Variants in RTN4 observed in about 807,000 individuals in gnomAD.
RTN4 encodes reticulon-4.
Under a neutral mutation model 90.4 loss-of-function variants are expected in RTN4, and 32 were observed. The observed-to-expected ratio is 0.35, with a 90% CI of 0.27 to 0.48. The LOEUF (loss-of-function observed/expected upper bound fraction) is 0.48, where lower values mean the gene tolerates loss of function less well. Ranked by LOEUF, RTN4 falls within the 20% of genes least tolerant of loss-of-function variation. RTN4 has a pLI of 0.99. For synonymous variants in RTN4, 629 were observed against 552.5 expected (o/e 1.14, Z -1.94); for missense variants, 1,706 against 1,430.2 (o/e 1.19, Z -3.11).
intron 1 of RTN4, among the ~76,000 whole-genome samples, chr2:55,103,937 C>A (rs1667898149): frequency 6.6e-6 from 1 of 152,052 alleles, no homozygotes; most frequent in African/African-American, 2.4e-5. Context: ...TCAGGTGATC[C>A]ACCAACCTCG....
rs1171828163 is a variant in RTN4 at position 55,049,767 on chromosome 2, G to C, written c.534C>G (p.Arg178=). Residue 178 remains arginine (R), a synonymous_variant, in exon 1 of 9, where the codon CGC becomes CGG. Transcript: ENST00000337526. ...APPSTPAAPK[R]RGSSGSVDET... is the part of the protein sequence containing the mutation. ...CACCCACTGAGCCCGAGGAGCCCCT[G>C]CGCTTGGGCGCGGCCGGGGTGGAGG... 1 of 1,329,960 alleles carries C rather than the reference G, an allele frequency of 7.5e-7. No individual in the cohort carries two copies. The highest frequency in any genetic ancestry group is 1.5e-5 in the African/African-American group (1 of 65,182). The allele number at this position is 1,329,960 out of a possible 1,614,324, so 82.4% of individuals were successfully genotyped here.
chr2:55,034,371 G>C (rs146151591), intron 1 of RTN4, among the ~76,000 whole-genome samples: 3 of 152,108 alleles, frequency 2.0e-5, no homozygotes, highest in African/African-American at 7.2e-5. Flanking sequence ...GCACGGTAGC[G>C]TGTGCCTATA....
At chr2:54,990,725 G>T (rs1009120728) in intron 3 of RTN4, among the ~76,000 whole-genome samples, 2 of 152,014 alleles carry the variant, frequency 1.3e-5, no homozygotes, top group Non-Finnish European at 2.9e-5. Context: ...CTATTATAGG[G>T]TAAGTAAAAG....
chr2:55,106,717 A>C (rs1379772993), intron 1 of RTN4, among the ~76,000 whole-genome samples: 2 of 151,846 alleles, frequency 1.3e-5, no homozygotes, highest in Non-Finnish European at 2.9e-5. Context: ...ATGGGGTTTC[A>C]CCATGTTGGC....
At chr2:55,132,607 T>C in the RTN4 span, among the ~76,000 whole-genome samples, 1 of 151,224 alleles carries the variant, frequency 6.6e-6, no homozygotes, top group African/African-American at 2.4e-5. Context: ...AGCCCAGGAG[T>C]TTGAGACCAG....
chr2:55,068,918 G>T (rs1436068088), intron 2 of RTN4, among the ~76,000 whole-genome samples: 1 of 152,212 alleles, frequency 6.6e-6, no homozygotes, highest in Non-Finnish European at 1.5e-5. Context: ...TGAGTGCATG[G>T]AGGTGAAGAA....
chr2:55,116,089 G>GACTT (rs1409371829), upstream of RTN4, among the ~76,000 whole-genome samples: 1 of 81,304 alleles, frequency 1.2e-5, no homozygotes, highest in African/African-American at 5.1e-5. Flanking sequence ...ATGGGGACTA[G>GACTT]TCTTTTTTTT....
Position 55,028,189 on chromosome 2 carries a change from A to G in RTN4, c.588T>C (p.Ser196=). The part of the protein sequence containing the change: ...DETLFALPAA[S]EPVIRSSAEN... ...CTGCAGAGGAGCGTATCACAGGCTCAGATGCAGCAGGAAGAGCAAAAAGGG... is the reference window on the plus strand; with the variant it reads ...CTGCAGAGGAGCGTATCACAGGCTCGGATGCAGCAGGAAGAGCAAAAAGGG... The change falls in exon 2 of 9, where the codon TCT becomes TCC. Residue 196 remains serine, a synonymous_variant. Transcript: ENST00000337526. The G allele has an allele frequency of 1.2e-6, 2 of 1,613,098 alleles. No individual in the cohort carries two copies. The highest frequency in any genetic ancestry group is 1.7e-6 in the Non-Finnish European group (2 of 1,179,450).
chr2:55,063,829 G>A (rs775587520), intron 2 of RTN4, among the ~76,000 whole-genome samples: 2 of 151,978 alleles, frequency 1.3e-5, no homozygotes, highest in South Asian at 4.2e-4. Context: ...TACAGTGAGC[G>A]GAGACTGGGC....
chr2:55,119,598 C>G, the RTN4 span, among the ~76,000 whole-genome samples: 1 of 152,188 alleles, frequency 6.6e-6, no homozygotes, highest in Non-Finnish European at 1.5e-5. Flanking sequence ...CTTGTATTCT[C>G]TGGGCAGAGT....
intron 2 of RTN4, among the ~76,000 whole-genome samples, chr2:55,078,384 A>AT (rs1668642034): frequency 1.3e-5 from 2 of 152,170 alleles, no homozygotes; most frequent in Non-Finnish European, 2.9e-5. Context: ...TTCTACAGAC[A>AT]TGTGCCAACA....
chr2:55,026,289 C>G lies in RTN4; in HGVS notation c.1810G>C (p.Glu604Gln). The G allele has an allele frequency of 4.3e-6, 7 of 1,613,998 alleles. No homozygotes were observed. The highest frequency in any genetic ancestry group is 5.9e-6 in the Non-Finnish European group (7 of 1,179,914). The change falls in exon 3 of 9, where the codon GAA (glutamate) becomes CAA (glutamine). Residue 604 changes from glutamate to glutamine, a missense_variant. By Grantham distance (29) the Glu-to-Gln change is conservative. Transcript: ENST00000337526. Reference protein sequence around the residue: ...AQLCPSFEESEATPSPVLPDI... With the variant: ...AQLCPSFEESQATPSPVLPDI... ...GGCAAAACTGGTGAAGGAGTAGCTT[C>G]TGACTCTTCAAATGATGGGCAAAGC... is the stretch of plus-strand genomic sequence containing the variant.
intron 4 of RTN4, among the ~76,000 whole-genome samples, chr2:54,983,910 A>C (rs1463549881): frequency 6.6e-6 from 1 of 152,224 alleles, no homozygotes; most frequent in Non-Finnish European, 1.5e-5. Context: ...CTTCAGGCTC[A>C]AACATTCTGT....
the RTN4 span, among the ~76,000 whole-genome samples, chr2:55,128,431 G>A: frequency 3.3e-5 from 5 of 152,058 alleles, no homozygotes; most frequent in Admixed American, 1.3e-4. Flanking sequence ...TGCTCTCTCC[G>A]ATGAGGAAAA....
At chr2:55,107,363 T>G (rs1408112282) in intron 1 of RTN4, among the ~76,000 whole-genome samples, 1 of 149,026 alleles carries the variant, frequency 6.7e-6, no homozygotes, top group Non-Finnish European at 1.5e-5. Flanking sequence ...TTAAAAAATC[T>G]TGTAAGGATT....
chr2:55,080,779 G>C (rs182284422), intron 1 of RTN4: 8 of 152,264 alleles, frequency 5.3e-5, no homozygotes, highest in Non-Finnish European at 2.9e-5. Context: ...AGCCAGTAAA[G>C]TGTTTTTGCA....
At chr2:55,051,292 G>C (rs1347505734), upstream of RTN4, among the ~76,000 whole-genome samples, 2 of 152,108 alleles carry the variant, frequency 1.3e-5, no homozygotes, top group East Asian at 1.9e-4. Flanking sequence ...GAGAGGCAGC[G>C]GGGAGACAGG....
chr2:55,035,062 A>G (rs1682583388), intron 1 of RTN4, among the ~76,000 whole-genome samples: 1 of 152,202 alleles, frequency 6.6e-6, no homozygotes. Flanking sequence ...AGAAGAAGAA[A>G]CAAAAGAAGA....
the RTN4 span, among the ~76,000 whole-genome samples, chr2:55,126,088 G>A: frequency 6.6e-6 from 1 of 150,576 alleles, no homozygotes; most frequent in African/African-American, 2.4e-5. Flanking sequence ...AAAGGTCCGG[G>A]CATGGTGGCT....
Sources: allele counts gnomAD v4.1 joint callset (sites outside exome capture counted in the v4.1 genomes callset), GRCh38; gene constraint gnomAD v4.1.1; transcripts MANE v1.5; gene names NCBI Gene and HGNC (gene_info 2026-07-23, HGNC 2026-07-21).